OPCML: variants seen among roughly 807,000 people sequenced by gnomAD.
The protein encoded by OPCML is opioid-binding protein/cell adhesion molecule.
In OPCML, 13 loss-of-function variants were observed where a neutral mutation model predicts 37.8. The ratio of observed to expected loss-of-function variants is 0.34; its 90% CI spans 0.22 to 0.55. The LOEUF (loss-of-function observed/expected upper bound fraction) is 0.55. Ranked by LOEUF, OPCML falls within the 20% of genes least tolerant of loss-of-function variation. The probability of loss-of-function intolerance (pLI) is 0.91; values close to 1 mark genes in which losing one functional copy is unlikely to be tolerated. For synonymous variants in OPCML, 176 were observed against 168.8 expected (o/e 1.04, Z -0.33); for missense variants, 341 against 435.6 (o/e 0.78, Z 1.93).
Position 133,007,908 on chromosome 11 carries a change from T to C in OPCML, c.62-64898A>G, listed in dbSNP as rs1947142537. The stretch of plus-strand genomic sequence containing the variant: ...TATGCTTTTCTTGGATATGTTGTCC[T>C]GCATTTGAGGTCCATTGTGCATTTA... On this transcript the variant is annotated intron_variant, in intron 1 of 7. Coordinates refer to ENST00000524381, the MANE Select transcript of OPCML (RefSeq NM_001012393.5). The C allele has an allele frequency of 4.1e-6, 4 of 985,370 alleles. No individual in the cohort carries two copies. In the South Asian group the frequency reaches 1.4e-4, roughly 35 times the overall value. The allele number at this position is 985,370 out of a possible 1,614,324, so 61.0% of individuals were successfully genotyped here. A position where few individuals can be genotyped will look rare whatever the true frequency, so the allele number is the denominator to read the frequency against.
intron 1 of OPCML, among the ~76,000 whole-genome samples, chr11:133,122,666 C>T (rs879089305): frequency 1.3e-5 from 2 of 152,282 alleles, no homozygotes; most frequent in East Asian, 1.9e-4. Flanking sequence ...CCTCCCTATA[C>T]CTTTCCTCTT....
At chr11:132,828,870 G>C (rs1940521460) in intron 2 of OPCML, among the ~76,000 whole-genome samples, 1 of 152,214 alleles carries the variant, frequency 6.6e-6, no homozygotes, top group South Asian at 2.1e-4. Flanking sequence ...GATTTCACTG[G>C]CTGGCCGTGG....
intron 2 of OPCML, among the ~76,000 whole-genome samples, chr11:132,759,410 G>T (rs1946181257): frequency 6.6e-6 from 1 of 152,126 alleles, no homozygotes; most frequent in Non-Finnish European, 1.5e-5. Context: ...GTAGAATTTG[G>T]CTGATAATCT....
At chr11:132,632,893 C>A (rs1940241695) in intron 3 of OPCML, among the ~76,000 whole-genome samples, 1 of 151,012 alleles carries the variant, frequency 6.6e-6, no homozygotes, top group South Asian at 2.1e-4. Context: ...CATGACTATT[C>A]AGCCTTTCTC....
At chr11:132,504,638 A>G (rs2096252513) in intron 4 of OPCML, among the ~76,000 whole-genome samples, 1 of 151,660 alleles carries the variant, frequency 6.6e-6, no homozygotes, top group Non-Finnish European at 1.5e-5. Context: ...GGTTGTTGGC[A>G]GGAGTTTCTC....
At chr11:133,080,104 A>C (rs4448699) in intron 1 of OPCML, among the ~76,000 whole-genome samples, 2 of 151,978 alleles carry the variant, frequency 1.3e-5, no homozygotes, top group African/African-American at 4.8e-5. Flanking sequence ...CACTCACCCT[A>C]CCCATCCACA....
At chr11:133,172,551 G>C (rs990330095) in intron 1 of OPCML, among the ~76,000 whole-genome samples, 1 of 152,172 alleles carries the variant, frequency 6.6e-6, no homozygotes, top group Non-Finnish European at 1.5e-5. Flanking sequence ...AGTATGGCTG[G>C]AGCCTAGAGG....
chr11:133,296,030 A>T (rs904698940), intron 1 of OPCML, among the ~76,000 whole-genome samples: 6 of 152,246 alleles, frequency 3.9e-5, no homozygotes, highest in African/African-American at 1.4e-4. Context: ...TTTACTGAAA[A>T]TTATCCCTTA....
At chr11:132,721,512 T>A (rs569275916) in intron 2 of OPCML, among the ~76,000 whole-genome samples, 12 of 152,170 alleles carry the variant, frequency 7.9e-5, no homozygotes, top group Non-Finnish European at 1.8e-4. Context: ...GGACCTCAGA[T>A]GCCATGTGAA....
intron 2 of OPCML, among the ~76,000 whole-genome samples, chr11:132,836,497 A>T (rs544504429): frequency 1.2e-4 from 19 of 152,338 alleles, no homozygotes; most frequent in Non-Finnish European, 2.8e-4. Context: ...AATAATTAAA[A>T]TATTACAACT....
intron 2 of OPCML, among the ~76,000 whole-genome samples, chr11:132,815,804 T>G (rs1038091111): frequency 2.3e-4 from 35 of 152,202 alleles, no homozygotes; most frequent in Non-Finnish European, 1.3e-4. Context: ...CCAGTCAAGG[T>G]TGAAGATCTA....
chr11:132,529,355 G>T lies in OPCML; in HGVS notation c.380-169C>A. On this transcript the variant is annotated intron_variant, in intron 3 of 7. Coordinates refer to ENST00000524381, the MANE Select transcript of OPCML (RefSeq NM_001012393.5). ...GGATATGGCCATATACATTTACCTT[G>T]TATTTATGGTAGAAGGAGCTCTATA... 3 of 322,614 alleles carry T rather than the reference G, an allele frequency of 9.3e-6. 1 individual carries two copies. The highest frequency in any genetic ancestry group is 1.3e-5 in the Non-Finnish European group (3 of 224,464). 20.0% of individuals were successfully genotyped at this position (322,614 alleles called of 1,614,324 possible). A position where few individuals can be genotyped will look rare whatever the true frequency, so the allele number is the denominator to read the frequency against.
chr11:132,448,573 A>G (rs2096061258), intron 4 of OPCML, among the ~76,000 whole-genome samples: 1 of 152,224 alleles, frequency 6.6e-6, no homozygotes, highest in African/African-American at 2.4e-5. Context: ...TTAGCTGGCA[A>G]GGGCTCTCCT....
At chr11:132,996,719 T>C (rs1223244355) in intron 1 of OPCML, among the ~76,000 whole-genome samples, 1 of 152,026 alleles carries the variant, frequency 6.6e-6, no homozygotes, top group African/African-American at 2.4e-5. Context: ...TCTATCTCAG[T>C]AATAATTTTA....
At chr11:133,321,333 G>A (rs1224004560) in intron 1 of OPCML, among the ~76,000 whole-genome samples, 2 of 152,116 alleles carry the variant, frequency 1.3e-5, no homozygotes, top group Non-Finnish European at 2.9e-5. Flanking sequence ...CAGCTTCAAA[G>A]GTTTCATTTC....
At position 133,206,327 on chromosome 11, in the gene OPCML, A is replaced by G. The variant is rs989721495; in HGVS notation, c.62-263317T>C. ...GTTCCTGTTTCTCTTTCTTAGAGAC[A>G]TTGATGAGTTCAGTTCTGTATCTAC... On this transcript the variant is annotated intron_variant, in intron 1 of 7. Transcript: ENST00000524381. This position sits in a 1 kb window ranked among gnomAD's most constrained non-coding sequence, Gnocchi z 4.7. Among the ~76,000 whole-genome samples the G allele has an allele frequency of 2.0e-5, 3 of 152,228 alleles. No homozygotes were observed. Among genetic ancestry groups the G allele is most frequent in the Non-Finnish European group, 4.4e-5 (3 of 68,046 alleles).
intron 1 of OPCML, among the ~76,000 whole-genome samples, chr11:133,052,598 T>C (rs1393406183): frequency 6.6e-6 from 1 of 152,198 alleles, no homozygotes; most frequent in Non-Finnish European, 1.5e-5. Flanking sequence ...GAGAGCAACC[T>C]CTATGTCCAG....
chr11:133,140,748 G>C (rs62637092), intron 1 of OPCML, among the ~76,000 whole-genome samples: 1,347 of 62,014 alleles, frequency 0.022, 34 homozygotes, highest in African/African-American at 0.055. Flanking sequence ...ACGACGACGA[G>C]GAAGAAGAAG....
intron 4 of OPCML, among the ~76,000 whole-genome samples, chr11:132,466,208 G>A (rs1000039945): frequency 1.9e-4 from 29 of 151,940 alleles, no homozygotes; most frequent in African/African-American, 6.8e-4. Flanking sequence ...TGTTTAGGCC[G>A]CGCACGGTGG....
Sources: gnomAD v4.1 joint callset for allele counts (sites outside exome capture counted in the v4.1 genomes callset) on GRCh38, gnomAD v4.1.1 for gene constraint, Gnocchi (gnomAD v3.1) non-coding constraint, MANE v1.5 for transcripts, NCBI Gene and HGNC (gene_info 2026-07-23, HGNC 2026-07-21) for gene names.